Variants in UNC79 observed in about 807,000 individuals in gnomAD.
UNC79 encodes the protein unc-79 subunit of NALCN channel complex.
Under a neutral mutation model 283.1 loss-of-function variants are expected in UNC79, and 37 were observed. The observed-to-expected ratio is 0.13, with a 90% CI of 0.10 to 0.17. The LOEUF (loss-of-function observed/expected upper bound fraction) is 0.17. UNC79 is among the 10% of genes least tolerant of loss of function. UNC79 has a pLI of 1.00. For synonymous variants in UNC79, 1,107 were observed against 1,200.2 expected (o/e 0.92, Z 1.61); for missense variants, 2,272 against 3,211.1 (o/e 0.71, Z 7.07).
intron 26 of UNC79, among the ~76,000 whole-genome samples, chr14:93,607,820 G>A (rs2065992777): frequency 6.6e-6 from 1 of 152,166 alleles, no homozygotes; most frequent in African/African-American, 2.4e-5. Flanking sequence ...GACCTTTCCT[G>A]TCTCCTTAGT....
intron 22 of UNC79, among the ~76,000 whole-genome samples, chr14:93,589,487 C>G (rs1466565186): frequency 6.6e-6 from 1 of 151,982 alleles, no homozygotes; most frequent in Non-Finnish European, 1.5e-5. Flanking sequence ...AGGTCAGCAT[C>G]TCATCCAGCA....
intron 1 of UNC79, among the ~76,000 whole-genome samples, chr14:93,418,969 G>A (rs1013335518): frequency 3.3e-5 from 5 of 151,790 alleles, no homozygotes; most frequent in African/African-American, 4.8e-5. Flanking sequence ...GACCCCTTGC[G>A]TTTCCCGAGT....
intron 4 of UNC79, among the ~76,000 whole-genome samples, chr14:93,481,452 G>A (rs1386157161): frequency 3.9e-5 from 6 of 152,074 alleles, no homozygotes; most frequent in African/African-American, 1.2e-4. Flanking sequence ...GACTGATGCA[G>A]GCTATGTTAT....
intron 1 of UNC79, among the ~76,000 whole-genome samples, chr14:93,365,188 C>G (rs986589594): frequency 6.6e-6 from 1 of 151,920 alleles, no homozygotes; most frequent in Non-Finnish European, 1.5e-5. Context: ...GACTGTGAGA[C>G]CAGCCTGGCC....
intron 1 of UNC79, among the ~76,000 whole-genome samples, chr14:93,351,381 C>T (rs1187099871): frequency 1.3e-5 from 2 of 151,632 alleles, no homozygotes; most frequent in Non-Finnish European, 2.9e-5. Context: ...TGTTTTGAAC[C>T]TTTTAACATC....
At chr14:93,521,875 A>C (rs993579798) in intron 7 of UNC79, among the ~76,000 whole-genome samples, 1 of 150,372 alleles carries the variant, frequency 6.7e-6, no homozygotes, top group Non-Finnish European at 1.5e-5. Context: ...CCCAATTAGA[A>C]ATACCTGTGT....
At chr14:93,684,506 A>T (rs1312057141) in intron 42 of UNC79, among the ~76,000 whole-genome samples, 1 of 152,122 alleles carries the variant, frequency 6.6e-6, no homozygotes, top group African/African-American at 2.4e-5. Context: ...ACCAAATCAA[A>T]GTTTCAAATA....
chr14:93,512,110 GT>G (rs1216649203), intron 7 of UNC79, among the ~76,000 whole-genome samples: 5 of 152,106 alleles, frequency 3.3e-5, no homozygotes, highest in Non-Finnish European at 7.4e-5. Context: ...ATTTAGGAGA[GT>G]AGTTTAACTT....
At chr14:93,333,596 T>G (rs1323439967) in intron 1 of UNC79, 1 of 394,348 alleles carries the variant, frequency 2.5e-6, no homozygotes, top group Non-Finnish European at 4.5e-6. Flanking sequence ...AAAATAATCT[T>G]TAAGACACTG....
intron 1 of UNC79, among the ~76,000 whole-genome samples, chr14:93,450,425 A>T (rs987611307): frequency 1.3e-5 from 2 of 152,174 alleles, no homozygotes; most frequent in Non-Finnish European, 2.9e-5. Context: ...CTCTGGAACC[A>T]CATTGCTCTG....
intron 25 of UNC79, among the ~76,000 whole-genome samples, chr14:93,602,459 A>G (rs968709312): frequency 2.0e-5 from 3 of 152,164 alleles, no homozygotes; most frequent in African/African-American, 7.2e-5. Flanking sequence ...CCATTGGTCT[A>G]CAAGCCTATT....
intron 34 of UNC79, among the ~76,000 whole-genome samples, chr14:93,644,298 A>C (rs1332543045): frequency 2.0e-5 from 3 of 152,246 alleles, no homozygotes; most frequent in African/African-American, 7.2e-5. Context: ...ATAGGACATT[A>C]GAAGATAAAG....
chr14:93,335,764 A>T (rs1254318142), intron 1 of UNC79, among the ~76,000 whole-genome samples: 1 of 152,234 alleles, frequency 6.6e-6, no homozygotes, highest in Non-Finnish European at 1.5e-5. Flanking sequence ...AGAAAGGAAA[A>T]CCATGACATC....
At chr14:93,363,975 C>T (rs2054276862) in intron 1 of UNC79, among the ~76,000 whole-genome samples, 1 of 152,110 alleles carries the variant, frequency 6.6e-6, no homozygotes, top group Non-Finnish European at 1.5e-5. Context: ...CTGCCTTGGC[C>T]TCCCAAAGTG....
At chr14:93,613,214 T>C in intron 27 of UNC79, 131 bp downstream of exon 28, 2 of 1,184,550 alleles carry the variant, frequency 1.7e-6, no homozygotes, top group Non-Finnish European at 2.4e-6. Context: ...TGCAGGAGTA[T>C]GTGGAGGGGA....
At chr14:93,682,052 A>G (rs538504897) in intron 41 of UNC79, among the ~76,000 whole-genome samples, 5 of 152,284 alleles carry the variant, frequency 3.3e-5, no homozygotes, top group African/African-American at 1.2e-4. Context: ...TGACGTGGTG[A>G]CTGTTACAAT....
At chr14:93,393,458 T>A (rs2054926603) in intron 1 of UNC79, among the ~76,000 whole-genome samples, 1 of 152,222 alleles carries the variant, frequency 6.6e-6, no homozygotes, top group Non-Finnish European at 1.5e-5. Context: ...TAGGATTCCC[T>A]TCTTTATGAA....
intron 46 of UNC79, 24 bp downstream of exon 49, chr14:93,691,970 T>G (rs745900889): frequency 3.1e-6 from 5 of 1,611,812 alleles, no homozygotes; most frequent in Non-Finnish European, 1.7e-6. Flanking sequence ...CGAGTTTCCC[T>G]TCTGAGATGG....
At chr14:93,484,248 C>T (rs552686076) in intron 4 of UNC79, among the ~76,000 whole-genome samples, 87 of 152,224 alleles carry the variant, frequency 5.7e-4, no homozygotes, top group Non-Finnish European at 1.1e-3. Flanking sequence ...TCCCCAGGAC[C>T]TAGAACAATG....
Sources: gnomAD v4.1 joint callset for allele counts (sites outside exome capture counted in the v4.1 genomes callset) on GRCh38, gnomAD v4.1.1 for gene constraint, MANE v1.5 for transcripts, NCBI Gene and HGNC (gene_info 2026-07-23, HGNC 2026-07-21) for gene names.